Variants in DPP10 observed in about 807,000 individuals in gnomAD.
The protein encoded by DPP10 is inactive dipeptidyl peptidase 10.
A neutral mutation model predicts 120.9 loss-of-function variants in DPP10; 33 were observed. The ratio of observed to expected loss-of-function variants is 0.27; its 90% confidence interval spans 0.21 to 0.37. DPP10 has a LOEUF of 0.37. DPP10 is among the 10% of genes least tolerant of loss of function. The pLI, the probability that DPP10 is intolerant of heterozygous loss-of-function variation, is 1.00. For synonymous variants in DPP10, 337 were observed against 326.1 expected, an observed-to-expected ratio of 1.03 and a Z score of -0.36; for missense variants, 816 against 942.8, an observed-to-expected ratio of 0.87 and a Z score of 1.76.
At chr2:115,449,662 A>C (rs1216767843) in intron 3 of DPP10, among the ~76,000 whole-genome samples, 1 of 152,070 alleles carries the variant, frequency 6.6e-6, no homozygotes, top group Non-Finnish European at 1.5e-5. Context: ...CATCCTTTGG[A>C]GGCTTGACGG....
intron 1 of DPP10, among the ~76,000 whole-genome samples, chr2:114,464,293 A>T (rs1679170732): frequency 6.6e-6 from 1 of 152,140 alleles, no homozygotes; most frequent in Non-Finnish European, 1.5e-5. Context: ...AGTCATTCTA[A>T]TAGGCACGTA....
intron 19 of DPP10, among the ~76,000 whole-genome samples, chr2:115,801,221 A>G: frequency 6.6e-6 from 1 of 151,982 alleles, no homozygotes; most frequent in East Asian, 1.9e-4. Flanking sequence ...TTCACTCATG[A>G]TTTGGCTCTC....
At chr2:115,783,852 C>T (rs986241627) in intron 17 of DPP10, among the ~76,000 whole-genome samples, 3 of 152,062 alleles carry the variant, frequency 2.0e-5, no homozygotes, top group Non-Finnish European at 4.4e-5. Flanking sequence ...GTTAACATCT[C>T]AAAACATCAG....
intron 3 of DPP10, among the ~76,000 whole-genome samples, chr2:115,391,578 T>C (rs1394299289): frequency 1.3e-5 from 2 of 152,094 alleles, no homozygotes; most frequent in African/African-American, 4.8e-5. Context: ...TAAAGTACAG[T>C]TTCCAAATTT....
At chr2:114,915,289 T>A (rs1239414680) in intron 1 of DPP10, among the ~76,000 whole-genome samples, 1 of 151,876 alleles carries the variant, frequency 6.6e-6, no homozygotes, top group South Asian at 2.1e-4. Flanking sequence ...TGATAAAGGG[T>A]TTAATTTGAC....
rs955176539 is a variant in DPP10 at position 115,392,286 on chromosome 2, G to T, written c.271+48374G>T. Among the ~76,000 whole-genome samples the T allele has an allele frequency of 2.6e-5, 4 of 151,960 alleles. No individual in the cohort carries two copies. In the East Asian group the frequency reaches 7.7e-4, roughly 29 times the overall value. ...ACCTACTGAGGCTCTAGTCGTTGGT[G>T]ACCTTTAGTTTTAATAAGCTGTGCT... On this transcript the variant is annotated intron_variant, in intron 3 of 25. Coordinates refer to ENST00000410059, the MANE Select transcript of DPP10 (RefSeq NM_020868.6).
intron 3 of DPP10, among the ~76,000 whole-genome samples, chr2:115,372,689 T>A (rs2065496052): frequency 6.6e-6 from 1 of 152,190 alleles, no homozygotes; most frequent in Non-Finnish European, 1.5e-5. Context: ...GAGACCAGAT[T>A]GCTGACCAGC....
At chr2:115,144,544 T>C (rs1390751880) in intron 1 of DPP10, among the ~76,000 whole-genome samples, 2 of 151,666 alleles carry the variant, frequency 1.3e-5, no homozygotes, top group Admixed American at 6.6e-5. Context: ...GGGTTTTAAA[T>C]GATGTTTTCA....
intron 5 of DPP10, among the ~76,000 whole-genome samples, chr2:115,644,745 T>C (rs927015106): frequency 6.6e-6 from 1 of 152,098 alleles, no homozygotes; most frequent in African/African-American, 2.4e-5. Flanking sequence ...ATTGAGCCAC[T>C]GCACTCCAGC....
At chr2:115,773,451 C>G (rs1681718243) in intron 13 of DPP10, among the ~76,000 whole-genome samples, 1 of 152,098 alleles carries the variant, frequency 6.6e-6, no homozygotes, top group South Asian at 2.1e-4. Flanking sequence ...TTCCAGCCCT[C>G]TTTTAAGAAT....
intron 1 of DPP10, among the ~76,000 whole-genome samples, chr2:114,558,656 C>G (rs1688515871): frequency 6.6e-6 from 1 of 152,228 alleles, no homozygotes; most frequent in African/African-American, 2.4e-5. Context: ...AGCCCAATGG[C>G]AGACACAGCT....
intron 1 of DPP10, among the ~76,000 whole-genome samples, chr2:115,235,308 A>G: frequency 6.6e-6 from 1 of 152,278 alleles, no homozygotes; most frequent in African/African-American, 2.4e-5. Flanking sequence ...AATAAAGAGG[A>G]CTTTGCCTCA....
intron 1 of DPP10, among the ~76,000 whole-genome samples, chr2:114,697,922 T>C (rs148424637): frequency 2.6e-5 from 4 of 152,208 alleles, no homozygotes; most frequent in East Asian, 1.9e-4. Flanking sequence ...CTGTAACTTA[T>C]AGATTTGGTT....
intron 1 of DPP10, among the ~76,000 whole-genome samples, chr2:114,883,793 G>A (rs542030410): frequency 2.4e-4 from 36 of 152,276 alleles, no homozygotes; most frequent in African/African-American, 8.4e-4. Context: ...CACAGGTCTG[G>A]CATTCAGGTG....
At chr2:115,559,160 CACT>C (rs1057199656) in intron 5 of DPP10, among the ~76,000 whole-genome samples, 3 of 152,152 alleles carry the variant, frequency 2.0e-5, no homozygotes, top group Non-Finnish European at 4.4e-5. Context: ...TTGAAATATT[CACT>C]ACATTACTGA....
chr2:114,745,289 G>C (rs1458675921), intron 1 of DPP10, among the ~76,000 whole-genome samples: 1 of 152,170 alleles, frequency 6.6e-6, no homozygotes, highest in Admixed American at 6.5e-5. Context: ...GGAGGTACCT[G>C]CCTCATGCCA....
chr2:115,326,875 G>C (rs984308067), intron 2 of DPP10, among the ~76,000 whole-genome samples: 1 of 151,978 alleles, frequency 6.6e-6, no homozygotes, highest in African/African-American at 2.4e-5. Flanking sequence ...AGGAAGCTAA[G>C]GTTAATCTAC....
chr2:115,155,450 T>C (rs1393739421), intron 1 of DPP10, among the ~76,000 whole-genome samples: 1 of 152,174 alleles, frequency 6.6e-6, no homozygotes, highest in Non-Finnish European at 1.5e-5. Context: ...TGTGAGGCTT[T>C]TGATGTCCTA....
chr2:115,318,123 G>A (rs999673124), intron 2 of DPP10, among the ~76,000 whole-genome samples: 1 of 151,832 alleles, frequency 6.6e-6, no homozygotes, highest in African/African-American at 2.4e-5. Flanking sequence ...TTTTTTTATG[G>A]TGTGAGTTAG....
Sources: gnomAD v4.1 joint callset for allele counts (sites outside exome capture counted in the v4.1 genomes callset) on GRCh38, gnomAD v4.1.1 for gene constraint, MANE v1.5 for transcripts, NCBI Gene and HGNC (gene_info 2026-07-23, HGNC 2026-07-21) for gene names.